RASSF3: variants seen among roughly 807,000 people sequenced by gnomAD.
The protein encoded by RASSF3 is Ras association domain family member 3.
In RASSF3, 19 loss-of-function variants were observed where a neutral mutation model predicts 19.9. That is an observed-to-expected ratio of 0.96 (90% CI 0.67 to 1.40). The LOEUF is 1.40. RASSF3 is among the 40% of genes most tolerant of loss of function. The pLI, the probability that RASSF3 is intolerant of heterozygous loss-of-function variation, is 0.00. For synonymous variants in RASSF3, 110 were observed against 104.2 expected, an observed-to-expected ratio of 1.06 and a Z score of -0.34; for missense variants, 306 against 289.8, an observed-to-expected ratio of 1.06 and a Z score of -0.41.
chr12:64,513,485 A>G (rs1868340566), intron 1 of RASSF3, among the ~76,000 whole-genome samples: 1 of 151,772 alleles, frequency 6.6e-6, no homozygotes, highest in African/African-American at 2.4e-5. Flanking sequence ...TTTCACCAGA[A>G]GATACCAAAG....
At chr12:64,627,342 A>G (rs746263858) in intron 1 of RASSF3, among the ~76,000 whole-genome samples, 2 of 152,202 alleles carry the variant, frequency 1.3e-5, no homozygotes, top group African/African-American at 2.4e-5. Flanking sequence ...CTAAGCATCA[A>G]CTTTAAATTG....
At chr12:64,668,199 T>G (rs1366947932) in intron 1 of RASSF3, among the ~76,000 whole-genome samples, 1 of 152,110 alleles carries the variant, frequency 6.6e-6, no homozygotes, top group Non-Finnish European at 1.5e-5. Context: ...GAATCAGCAA[T>G]GTAAATATCA....
At chr12:64,523,243 G>T (rs969158098) in intron 1 of RASSF3, among the ~76,000 whole-genome samples, 1 of 151,730 alleles carries the variant, frequency 6.6e-6, no homozygotes, top group African/African-American at 2.4e-5. Context: ...CCATCTCTAT[G>T]AAAAATACAA....
downstream of RASSF3, among the ~76,000 whole-genome samples, chr12:64,546,445 T>G (rs917755506): frequency 3.9e-5 from 6 of 152,084 alleles, no homozygotes; most frequent in African/African-American, 1.2e-4. Context: ...TAGTTTTTTG[T>G]ATTTTTAGTA....
upstream of RASSF3, among the ~76,000 whole-genome samples, chr12:64,606,873 C>G (rs538424223): frequency 6.7e-6 from 1 of 150,324 alleles, no homozygotes; most frequent in Non-Finnish European, 1.5e-5. Context: ...TTATTCCACC[C>G]CCTTCCCTGA....
At chr12:64,687,941 G>A (rs1873420954) in intron 2 of RASSF3, among the ~76,000 whole-genome samples, 1 of 151,642 alleles carries the variant, frequency 6.6e-6, no homozygotes, top group Admixed American at 6.6e-5. Flanking sequence ...AGCTTCAGAG[G>A]CATGAGTCTG....
At position 64,694,761 on chromosome 12, in the gene RASSF3, A is replaced by G; in HGVS notation, c.568-2A>G. 6.2e-7 allele frequency: 1 copy of G among 1,614,130 alleles called. No homozygotes were observed. The highest frequency in any genetic ancestry group is 8.5e-7 in the Non-Finnish European group (1 of 1,179,960). ...CATTTTTCTTTCTGTGTTTCCTGAC[A>G]GTGGGAAGCCTTCAGCCTTCCAGAA... On this transcript the variant is annotated splice_acceptor_variant, in intron 4 of 4. Transcript: ENST00000542104. LOFTEE classifies it high-confidence loss of function.
At chr12:64,607,831 A>G (rs1442930541), upstream of RASSF3, among the ~76,000 whole-genome samples, 5 of 152,130 alleles carry the variant, frequency 3.3e-5, no homozygotes, top group Non-Finnish European at 7.3e-5. Flanking sequence ...ATCATAGTTC[A>G]TTACAGCCTC....
intron 2 of RASSF3, among the ~76,000 whole-genome samples, chr12:64,547,004 T>C (rs1179729344): frequency 6.6e-6 from 1 of 152,188 alleles, no homozygotes; most frequent in Non-Finnish European, 1.5e-5. Flanking sequence ...CCAGGCATGG[T>C]GGCTCACACC....
intron 1 of RASSF3, among the ~76,000 whole-genome samples, chr12:64,631,004 T>C (rs1312032062): frequency 1.3e-5 from 2 of 152,152 alleles, no homozygotes; most frequent in East Asian, 1.9e-4. Context: ...GAGTTTCTTA[T>C]CAAGAAGGTA....
intron 2 of RASSF3, among the ~76,000 whole-genome samples, chr12:64,556,985 C>T (rs528554024): frequency 1.3e-5 from 2 of 152,012 alleles, no homozygotes; most frequent in East Asian, 3.9e-4. Flanking sequence ...TACAGGCGTG[C>T]GCCACCATGC....
intron 2 of RASSF3, among the ~76,000 whole-genome samples, chr12:64,602,879 T>C (rs951774302): frequency 2.6e-5 from 4 of 152,060 alleles, no homozygotes; most frequent in Non-Finnish European, 5.9e-5. Context: ...GGTGGGTGGA[T>C]CACAAGGTCA....
rs1276334188 is a variant in RASSF3 at position 64,601,722 on chromosome 12, A to T, written c.294+60017A>T. On this transcript the variant is annotated intron_variant, in intron 2 of 5. Transcript: ENST00000637125. ...CAGCTACTCAGGAGGCCGAGGTGGGAAGGTCCCTTGACCCTGGGAGGGGGA... is the reference window on the plus strand; with the variant it reads ...CAGCTACTCAGGAGGCCGAGGTGGGTAGGTCCCTTGACCCTGGGAGGGGGA... 1.3e-5 allele frequency among the ~76,000 whole-genome samples: 2 copies of T among 151,856 alleles called. 1 individual carries two copies. The highest frequency in any genetic ancestry group is 2.9e-5 in the Non-Finnish European group (2 of 67,946).
chr12:64,650,122 C>T (rs1344204748), intron 1 of RASSF3, among the ~76,000 whole-genome samples: 1 of 152,220 alleles, frequency 6.6e-6, no homozygotes. Flanking sequence ...TTTGCAGGGG[C>T]AGGGACAGGG....
chr12:64,639,626 G>A (rs1871441637), intron 1 of RASSF3, among the ~76,000 whole-genome samples: 1 of 152,164 alleles, frequency 6.6e-6, no homozygotes, highest in Non-Finnish European at 1.5e-5. Context: ...GTGAAAGAAG[G>A]TTCTGTTCTC....
chr12:64,694,995 G>A lies in RASSF3; in HGVS notation c.*83G>A. On this transcript the variant is annotated 3_prime_UTR_variant, in exon 5 of 5. Transcript: ENST00000542104. ...GTGCCTCTCTTCTCAGAGGGCTGCT[G>A]TCTTGCCCCACTATGCTAGGGTCTT... 1 of 1,472,432 alleles carries A rather than the reference G, an allele frequency of 6.8e-7. No individual in the cohort carries two copies. The highest frequency in any genetic ancestry group is 9.3e-7 in the Non-Finnish European group (1 of 1,079,230). 91.2% of individuals were successfully genotyped at this position (1,472,432 alleles called of 1,614,324 possible).
upstream of RASSF3, among the ~76,000 whole-genome samples, chr12:64,610,212 C>G (rs932967638): frequency 6.6e-6 from 1 of 152,148 alleles, no homozygotes; most frequent in Admixed American, 6.5e-5. Flanking sequence ...TTGCAGTTTC[C>G]GGGAGGTTGA....
At position 64,689,220 on chromosome 12, in the gene RASSF3, G is replaced by GTGTGTGTGT. The variant is rs1873480002; in HGVS notation, c.457+767_457+768insTGTGTGTGT. ...CTCACTACATGCGATTTGAAATCGG[G>GTGTGTGTGT]GTGTGTGTGTGTGTGTGTGTGTGTG... On this transcript the variant is annotated intron_variant, in intron 3 of 4. Transcript: ENST00000542104. Among the ~76,000 whole-genome samples, 37 of 147,540 alleles carry GTGTGTGTGT rather than the reference G, an allele frequency of 2.5e-4. 1 individual carries two copies. The South Asian group carries it at 6.8e-3, about 27-fold the overall frequency.
At chr12:64,556,259 C>T (rs1267003370) in intron 2 of RASSF3, among the ~76,000 whole-genome samples, 2 of 152,092 alleles carry the variant, frequency 1.3e-5, no homozygotes, top group African/African-American at 4.8e-5. Flanking sequence ...CTCTGGTGCT[C>T]AGGTCCCACC....
Sources: gnomAD v4.1 joint callset for allele counts (sites outside exome capture counted in the v4.1 genomes callset) on GRCh38, gnomAD v4.1.1 for gene constraint, MANE v1.5 for transcripts, NCBI Gene and HGNC (gene_info 2026-07-23, HGNC 2026-07-21) for gene names.